LRRC4C: variants seen among roughly 807,000 people sequenced by gnomAD.
LRRC4C encodes leucine-rich repeat-containing protein 4C.
LRRC4C carries 5 observed loss-of-function variants against 33.6 expected under a neutral mutation model. The observed-to-expected ratio is 0.15, with a 90% confidence interval of 0.08 to 0.31. LRRC4C has a LOEUF of 0.31. Among genes scored for constraint, LRRC4C ranks in the 10% least tolerant of loss-of-function variants. The pLI is 1.00. For missense variants in LRRC4C, 560 were observed against 796.7 expected (o/e 0.70, Z 3.58); for synonymous variants, 329 against 302.0 (o/e 1.09, Z -0.93).
At chr11:41,042,547 G>T (rs146383358) in intron 1 of LRRC4C, among the ~76,000 whole-genome samples, 95 of 152,160 alleles carry the variant, frequency 6.2e-4, no homozygotes, top group South Asian at 1.5e-3. Flanking sequence ...CTTCCTTGCC[G>T]CAACTGGGTT....
chr11:40,820,560 C>A (rs1315426240), intron 2 of LRRC4C, among the ~76,000 whole-genome samples: 1 of 151,778 alleles, frequency 6.6e-6, no homozygotes, highest in Non-Finnish European at 1.5e-5. Context: ...AAAATAAATT[C>A]ATTTTATATA....
intron 1 of LRRC4C, among the ~76,000 whole-genome samples, chr11:41,085,413 G>A (rs545847977): frequency 1.3e-5 from 2 of 152,280 alleles, no homozygotes; most frequent in South Asian, 2.1e-4. Flanking sequence ...GTAAGAAGTG[G>A]TAGTGTTAAT....
intron 1 of LRRC4C, among the ~76,000 whole-genome samples, chr11:41,240,951 A>G (rs1197917292): frequency 6.6e-6 from 1 of 152,180 alleles, no homozygotes; most frequent in Non-Finnish European, 1.5e-5. Context: ...GGAAAACTTA[A>G]AGGAACCACC....
chr11:41,202,092 C>G (rs768785129), intron 1 of LRRC4C, among the ~76,000 whole-genome samples: 8 of 152,162 alleles, frequency 5.3e-5, no homozygotes, highest in Non-Finnish European at 1.0e-4. Flanking sequence ...TATTGATGTC[C>G]TCTTTGGAAC....
At chr11:41,338,618 T>C (rs1157554980) in intron 1 of LRRC4C, among the ~76,000 whole-genome samples, 2 of 152,042 alleles carry the variant, frequency 1.3e-5, no homozygotes, top group South Asian at 2.1e-4. Flanking sequence ...GACGGGTTGA[T>C]AGATGGAGCA....
chr11:40,990,709 GAGA>G (rs1457489628), intron 1 of LRRC4C, among the ~76,000 whole-genome samples: 2 of 152,160 alleles, frequency 1.3e-5, no homozygotes, highest in Non-Finnish European at 2.9e-5. Flanking sequence ...CAGAAATCAA[GAGA>G]AGAACACAAA....
At chr11:41,214,575 C>CAAAAAAAAAAAA (rs547167050) in intron 1 of LRRC4C, among the ~76,000 whole-genome samples, 39 of 34,646 alleles carry the variant, frequency 1.1e-3, no homozygotes, top group African/African-American at 2.7e-3. Flanking sequence ...ACTAAAAATA[C>CAAAAAAAAAAAA]AAAAAAAAAA....
chr11:41,107,435 T>C (rs1190112679), intron 1 of LRRC4C, among the ~76,000 whole-genome samples: 1 of 152,114 alleles, frequency 6.6e-6, no homozygotes, highest in Non-Finnish European at 1.5e-5. Flanking sequence ...AATATAATTT[T>C]TCATAGCAAG....
At chr11:40,484,862 T>G (rs1263003748) in intron 3 of LRRC4C, among the ~76,000 whole-genome samples, 3 of 152,104 alleles carry the variant, frequency 2.0e-5, no homozygotes, top group Admixed American at 2.0e-4. Flanking sequence ...CCACTGACAG[T>G]GTAATTGGAA....
chr11:41,195,556 C>T (rs12274760), intron 1 of LRRC4C, among the ~76,000 whole-genome samples: 3,174 of 152,036 alleles, frequency 0.021, 98 homozygotes, highest in African/African-American at 0.072. Context: ...TTTCCCCCCC[C>T]AAATTATAAA....
chr11:40,983,899 G>A (rs1565269712), intron 1 of LRRC4C, among the ~76,000 whole-genome samples: 1 of 152,234 alleles, frequency 6.6e-6, no homozygotes, highest in Non-Finnish European at 1.5e-5. Flanking sequence ...GTAGTCATTA[G>A]TCATATGTGA....
intron 2 of LRRC4C, among the ~76,000 whole-genome samples, chr11:40,761,086 T>C (rs1949190905): frequency 6.6e-6 from 1 of 151,684 alleles, no homozygotes; most frequent in South Asian, 2.1e-4. Flanking sequence ...ATTATTATGT[T>C]TATGATTATG....
At chr11:41,145,265 G>A (rs1943678357) in intron 1 of LRRC4C, among the ~76,000 whole-genome samples, 3 of 151,924 alleles carry the variant, frequency 2.0e-5, no homozygotes, top group African/African-American at 7.3e-5. Context: ...CCATCTGAAG[G>A]GTAAAAATTA....
intron 5 of LRRC4C, among the ~76,000 whole-genome samples, chr11:40,210,983 G>A (rs943570242): frequency 6.6e-6 from 1 of 151,966 alleles, no homozygotes; most frequent in Non-Finnish European, 1.5e-5. Context: ...CACCATGTTG[G>A]CCAGGTTGGT....
chr11:41,198,715 T>C (rs926901432), intron 1 of LRRC4C, among the ~76,000 whole-genome samples: 2 of 152,024 alleles, frequency 1.3e-5, no homozygotes, highest in Non-Finnish European at 2.9e-5. Flanking sequence ...CCTCTTTAAG[T>C]TGCACTAGTT....
intron 2 of LRRC4C, among the ~76,000 whole-genome samples, chr11:40,728,165 G>A (rs1254486499): frequency 6.6e-6 from 1 of 152,070 alleles, no homozygotes; most frequent in Non-Finnish European, 1.5e-5. Context: ...TGGCAAGGTT[G>A]TGGAAAAAGA....
At chr11:40,745,868 T>A (rs991062908) in intron 2 of LRRC4C, among the ~76,000 whole-genome samples, 1 of 152,170 alleles carries the variant, frequency 6.6e-6, no homozygotes, top group Non-Finnish European at 1.5e-5. Flanking sequence ...AAAAGAATAA[T>A]GCTTTTAAAA....
At chr11:41,075,026 T>TG (rs59934043) in intron 1 of LRRC4C, among the ~76,000 whole-genome samples, 1 of 93,844 alleles carries the variant, frequency 1.1e-5, no homozygotes, top group African/African-American at 4.9e-5. Context: ...TTTTTTTTTT[T>TG]TTTTTTTTTT....
intron 3 of LRRC4C, among the ~76,000 whole-genome samples, chr11:40,620,259 T>C (rs1197223222): frequency 6.6e-6 from 1 of 151,652 alleles, no homozygotes; most frequent in African/African-American, 2.4e-5. Context: ...AAATATGAAA[T>C]TGACTAGCTA....
Sources: allele counts gnomAD v4.1 joint callset (sites outside exome capture counted in the v4.1 genomes callset), GRCh38; gene constraint gnomAD v4.1.1; transcripts MANE v1.5; gene names NCBI Gene and HGNC (gene_info 2026-07-23, HGNC 2026-07-21).